Variants in KIRREL3 observed in about 807,000 individuals in gnomAD.
KIRREL3 encodes the protein kin of IRRE-like protein 3.
Under a neutral mutation model 89.7 loss-of-function variants are expected in KIRREL3, and 36 were observed. That is an observed-to-expected ratio of 0.40 (90% CI 0.31 to 0.53). KIRREL3 has a LOEUF of 0.53. KIRREL3 is among the 20% of genes least tolerant of loss of function. KIRREL3 has a pLI of 0.49. For synonymous variants in KIRREL3, 445 were observed against 441.4 expected (o/e 1.01, Z -0.10); for missense variants, 864 against 1,056.6 (o/e 0.82, Z 2.53).
intron 1 of KIRREL3, among the ~76,000 whole-genome samples, chr11:126,790,904 T>G (rs1431802011): frequency 6.6e-6 from 1 of 152,120 alleles, no homozygotes. Flanking sequence ...GATGGAACCG[T>G]CATAAACAAG....
intron 1 of KIRREL3, among the ~76,000 whole-genome samples, chr11:126,672,533 A>G (rs2135063272): frequency 6.6e-6 from 1 of 152,352 alleles, no homozygotes; most frequent in East Asian, 1.9e-4. Context: ...ACTATAGAAA[A>G]AGAGCAGTAG....
chr11:126,967,604 C>A (rs1298103685), intron 1 of KIRREL3, among the ~76,000 whole-genome samples: 11 of 152,042 alleles, frequency 7.2e-5, no homozygotes, highest in Non-Finnish European at 1.5e-4. Flanking sequence ...GACAAAGAAG[C>A]AACCGCAGAG....
At chr11:126,585,194 C>T (rs1042099802) in intron 1 of KIRREL3, among the ~76,000 whole-genome samples, 3 of 145,918 alleles carry the variant, frequency 2.1e-5, no homozygotes, top group Non-Finnish European at 4.5e-5. Flanking sequence ...GCTGGGATTA[C>T]AGGCGTGAGC....
rs556784741 is a variant in KIRREL3, at chr11:126,784,840, C to T, written c.55+215615G>A. Among the ~76,000 whole-genome samples, 139 of 152,310 alleles carry T rather than the reference C, an allele frequency of 9.1e-4. 1 individual carries two copies. Among genetic ancestry groups the T allele is most frequent in the African/African-American group, 3.1e-3 (129 of 41,564 alleles). The stretch of plus-strand genomic sequence containing the variant: ...CATCTGAACATAGTACTAATTGGTG[C>T]TAGAAATAAAAGCATAGTCAATTAC... On this transcript the variant is annotated intron_variant, in intron 1 of 16. Coordinates refer to ENST00000525144, the MANE Select transcript of KIRREL3 (RefSeq NM_032531.4).
At chr11:126,451,188 G>A (rs1162528058) in intron 7 of KIRREL3, among the ~76,000 whole-genome samples, 2 of 136,528 alleles carry the variant, frequency 1.5e-5, no homozygotes, top group Admixed American at 1.5e-4. Context: ...TGTGAATGTG[G>A]CCGTGTGTGT....
Position 126,607,134 on chromosome 11 carries a change from A to G in KIRREL3, c.56-44222T>C, listed in dbSNP as rs1358443806. Among the ~76,000 whole-genome samples the G allele has an allele frequency of 6.6e-6, 1 of 152,134 alleles. No individual in the cohort carries two copies. Among genetic ancestry groups the G allele is most frequent in the African/African-American group, 2.4e-5 (1 of 41,430 alleles). ...TTATGAGTAGCTAGGGCCTCCCAGG[A>G]GGTCGTCAGAGTGGATGGAGGGGCA... On this transcript the variant is annotated intron_variant, in intron 1 of 16. Transcript: ENST00000525144. This position sits in a 1 kb window ranked among gnomAD's most constrained non-coding sequence, Gnocchi z 6.6.
chr11:126,933,193 C>A (rs1459580085), intron 1 of KIRREL3, among the ~76,000 whole-genome samples: 2 of 152,144 alleles, frequency 1.3e-5, no homozygotes, highest in Non-Finnish European at 2.9e-5. Context: ...AATTCAATTT[C>A]TCTGAAAGGA....
At position 126,544,819 on chromosome 11, in the gene KIRREL3, G is replaced by A. The variant is rs530544705; in HGVS notation, c.133+18016C>T. ...AGCAGCCATTCCTGGACACTTGGCC[G>A]ACATTCCTGGCCTTAATCTGCTTGA... On this transcript the variant is annotated intron_variant, in intron 2 of 16. Coordinates refer to ENST00000525144, the MANE Select transcript of KIRREL3 (RefSeq NM_032531.4). The surrounding 1 kb of genome is among the most constrained non-coding windows in gnomAD (Gnocchi z 5.6). Among the ~76,000 whole-genome samples, 1 of 152,126 alleles carries A rather than the reference G, an allele frequency of 6.6e-6. No homozygotes were observed. Among genetic ancestry groups the A allele is most frequent in the Non-Finnish European group, 1.5e-5 (1 of 68,022 alleles).
rs138262312 is a variant in KIRREL3 at position 126,456,299 on chromosome 11, G to A, written c.848+50C>T. 19 of 1,290,288 alleles carry A rather than the reference G, an allele frequency of 1.5e-5. 1 individual carries two copies. The highest frequency in any genetic ancestry group is 1.9e-4 in the Middle Eastern group (1 of 5,268). 79.9% of individuals were successfully genotyped at this position (1,290,288 alleles called of 1,614,324 possible). On this transcript the variant is annotated intron_variant, in intron 7 of 16. Transcript: ENST00000525144. Reference sequence around the variant, plus strand: ...AAGTGACATCCCACGTGAGAGGCACGGGGGTGGGGGCCAGTGGCCAGGCCG... The same window carrying A: ...AAGTGACATCCCACGTGAGAGGCACAGGGGTGGGGGCCAGTGGCCAGGCCG...
chr11:126,544,899 G>C lies in KIRREL3; in HGVS notation c.133+17936C>G, dbSNP rs148983290. ...TGTCTAAACTCCTCTAACCTATTTA[G>C]GCCACAGAGAGGGGAGAAGACACAA... On this transcript the variant is annotated intron_variant, in intron 2 of 16. Coordinates refer to ENST00000525144, the MANE Select transcript of KIRREL3 (RefSeq NM_032531.4). The surrounding 1 kb of genome is among the most constrained non-coding windows in gnomAD (Gnocchi z 5.6). Among the ~76,000 whole-genome samples the C allele has an allele frequency of 2.7e-3, 409 of 152,198 alleles. 3 individuals are homozygous for C. Among genetic ancestry groups the C allele is most frequent in the African/African-American group, 9.4e-3 (390 of 41,522 alleles).
chr11:126,658,606 A>G (rs1300218512), intron 1 of KIRREL3, among the ~76,000 whole-genome samples: 2 of 152,206 alleles, frequency 1.3e-5, no homozygotes, highest in Non-Finnish European at 2.9e-5. Flanking sequence ...CCAGCCCTAC[A>G]TTGCTGGATA....
At chr11:126,730,345 C>T (rs924958444) in intron 1 of KIRREL3, among the ~76,000 whole-genome samples, 2 of 152,244 alleles carry the variant, frequency 1.3e-5, no homozygotes, top group African/African-American at 4.8e-5. Flanking sequence ...AATTGTCCAC[C>T]AGAAATCAGG....
intron 1 of KIRREL3, among the ~76,000 whole-genome samples, chr11:126,799,579 G>T (rs1950966721): frequency 1.2e-5 from 1 of 85,600 alleles, no homozygotes; most frequent in South Asian, 4.1e-4. Context: ...GAGACTCCTA[G>T]GAACTTGAGC....
intron 1 of KIRREL3, among the ~76,000 whole-genome samples, chr11:126,657,443 A>G (rs1431765904): frequency 6.6e-6 from 1 of 152,212 alleles, no homozygotes; most frequent in Non-Finnish European, 1.5e-5. Flanking sequence ...GACATGGATC[A>G]GGAGAAACCT....
intron 1 of KIRREL3, among the ~76,000 whole-genome samples, chr11:126,973,180 A>G (rs1356084701): frequency 7.5e-5 from 1 of 13,362 alleles, no homozygotes; most frequent in Non-Finnish European, 1.3e-4. Context: ...GTTTCTGAAT[A>G]ACAGGCTGAA....
intron 1 of KIRREL3, among the ~76,000 whole-genome samples, chr11:126,659,717 C>G (rs1945307647): frequency 6.6e-6 from 1 of 152,232 alleles, no homozygotes; most frequent in Admixed American, 6.5e-5. Flanking sequence ...CAAAGGATGC[C>G]TTCCACGGGC....
At chr11:126,998,510 A>G (rs1183982874) in intron 1 of KIRREL3, among the ~76,000 whole-genome samples, 1 of 152,200 alleles carries the variant, frequency 6.6e-6, no homozygotes, top group African/African-American at 2.4e-5. Context: ...CAGGAGCACA[A>G]GGCATTAAGA....
At chr11:126,482,078 G>A (rs2134311148) in intron 4 of KIRREL3, among the ~76,000 whole-genome samples, 1 of 152,216 alleles carries the variant, frequency 6.6e-6, no homozygotes, top group East Asian at 1.9e-4. Flanking sequence ...CACTCTTGTT[G>A]CCCAGGCTGG....
intron 5 of KIRREL3, among the ~76,000 whole-genome samples, chr11:126,469,886 G>A (rs890318140): frequency 6.6e-6 from 1 of 152,230 alleles, no homozygotes; most frequent in African/African-American, 2.4e-5. Context: ...TTTCTCTTCC[G>A]GAGCGTCTGA....
Sources: allele counts gnomAD v4.1 joint callset (sites outside exome capture counted in the v4.1 genomes callset), GRCh38; gene constraint gnomAD v4.1.1; non-coding constraint Gnocchi (gnomAD v3.1); transcripts MANE v1.5; gene names NCBI Gene and HGNC (gene_info 2026-07-23, HGNC 2026-07-21).